Variants in FBXO10 observed in about 807,000 individuals in gnomAD.
FBXO10 encodes the protein F-box only protein 10.
FBXO10 carries 39 observed loss-of-function variants against 80.7 expected under a neutral mutation model. The ratio of observed to expected loss-of-function variants is 0.48; its 90% CI spans 0.37 to 0.63. FBXO10 has a LOEUF of 0.63. Among genes scored for constraint, FBXO10 ranks in the 30% least tolerant of loss-of-function variants. The pLI is 0.00. For missense variants in FBXO10, 1,025 were observed against 1,269.0 expected (o/e 0.81, Z 2.92); for synonymous variants, 449 against 489.6 (o/e 0.92, Z 1.09).
intron 8 of FBXO10, among the ~76,000 whole-genome samples, 178 bp from the exon 9 acceptor site, chr9:37,518,616 G>T (rs1331259145): frequency 6.6e-6 from 1 of 152,190 alleles, no homozygotes; most frequent in African/African-American, 2.4e-5. Context: ...ACAGCAGGAG[G>T]AAATCCAGGT....
Position 37,511,321 on chromosome 9 carries a change from A to G in FBXO10, c.*1226T>C, listed in dbSNP as rs1024999700. The G allele has an allele frequency of 6.6e-6, 1 of 152,494 alleles. No homozygotes were observed. Among genetic ancestry groups the G allele is most frequent in the African/African-American group, 2.4e-5 (1 of 41,456 alleles). The allele number at this position is 152,494 out of a possible 1,614,324, so 9.4% of individuals were successfully genotyped here. Reference sequence around the variant, plus strand: ...CCTCACCTGGCTTTGGGACTTGGACATATTCACAGTACGGTTCAGTAAAGT... The same window carrying G: ...CCTCACCTGGCTTTGGGACTTGGACGTATTCACAGTACGGTTCAGTAAAGT... On this transcript the variant is annotated 3_prime_UTR_variant, in exon 11 of 11. Coordinates refer to ENST00000432825, the MANE Select transcript of FBXO10 (RefSeq NM_012166.3).
intron 1 of FBXO10, among the ~76,000 whole-genome samples, chr9:37,567,488 T>TA (rs1822639545): frequency 6.6e-6 from 1 of 152,034 alleles, no homozygotes; most frequent in African/African-American, 2.4e-5. Context: ...CAAAACGTAG[T>TA]ATGCTTATCC....
At position 37,533,951 on chromosome 9, in the gene FBXO10, G is replaced by A. The variant is rs532357931; in HGVS notation, c.1420-1893C>T. On this transcript the variant is annotated intron_variant, in intron 3 of 10. Coordinates refer to ENST00000432825, the MANE Select transcript of FBXO10 (RefSeq NM_012166.3). ...GAGCTATTTACATAGCATTTGCATC[G>A]TATTGGGTATTATAAGTAATCTAGA... 9.2e-5 allele frequency among the ~76,000 whole-genome samples: 14 copies of A among 151,990 alleles called. No individual in the cohort carries two copies. In the South Asian group the frequency reaches 2.3e-3, roughly 25 times the overall value.
intron 5 of FBXO10, among the ~76,000 whole-genome samples, chr9:37,526,953 C>T (rs376798517): frequency 3.9e-5 from 6 of 152,060 alleles, no homozygotes; most frequent in Admixed American, 6.5e-5. Flanking sequence ...CGGGTTCAAG[C>T]GATTCTCCTG....
intron 8 of FBXO10, among the ~76,000 whole-genome samples, chr9:37,520,877 CAGTTCTTTGTCTCA>C (rs1821323569): frequency 6.6e-6 from 1 of 152,182 alleles, no homozygotes; most frequent in African/African-American, 2.4e-5. Context: ...GGGTGGGCTT[CAGTTCTTTGTCTCA>C]AGTTCATGGC....
intron 8 of FBXO10, 21 bp from the exon 9 acceptor site, chr9:37,518,459 A>G: frequency 4.5e-6 from 7 of 1,557,842 alleles, no homozygotes; most frequent in Non-Finnish European, 6.1e-6. Flanking sequence ...AAGGGTTGGA[A>G]AGCACAGGGG....
intron 1 of FBXO10, among the ~76,000 whole-genome samples, chr9:37,569,976 G>T (rs1669165126): frequency 6.6e-6 from 1 of 152,150 alleles, no homozygotes; most frequent in Admixed American, 6.5e-5. Context: ...ATTGGTTAAA[G>T]AAAAAGAATT....
At chr9:37,529,930 TC>T (rs1821576294) in intron 4 of FBXO10, among the ~76,000 whole-genome samples, 1 of 151,104 alleles carries the variant, frequency 6.6e-6, no homozygotes, top group Non-Finnish European at 1.5e-5. Flanking sequence ...CATCTTGGCC[TC>T]CCAAAGTGCT....
chr9:37,524,636 C>A (rs542617618), intron 6 of FBXO10, among the ~76,000 whole-genome samples: 103 of 152,230 alleles, frequency 6.8e-4, no homozygotes, highest in Non-Finnish European at 1.3e-3. Flanking sequence ...GAAATTAAGT[C>A]AAAGGCCCTA....
At chr9:37,517,176 A>G (rs562379054) in intron 9 of FBXO10, among the ~76,000 whole-genome samples, 10 of 152,280 alleles carry the variant, frequency 6.6e-5, no homozygotes, top group Non-Finnish European at 1.0e-4. Context: ...AAGAAAAGGC[A>G]TAAGAATGAT....
intron 1 of FBXO10, among the ~76,000 whole-genome samples, chr9:37,547,974 C>T (rs759747996): frequency 2.0e-5 from 3 of 151,296 alleles, no homozygotes; most frequent in Non-Finnish European, 4.4e-5. Context: ...CACAATACAA[C>T]GGTGCTTGCC....
intron 1 of FBXO10, among the ~76,000 whole-genome samples, chr9:37,553,293 C>T (rs922500236): frequency 6.6e-6 from 1 of 152,120 alleles, no homozygotes; most frequent in African/African-American, 2.4e-5. Flanking sequence ...CCTGCCTCAG[C>T]CTCCCAAAGT....
intron 1 of FBXO10, chr9:37,575,468 CTG>C (rs1372166922): frequency 1.3e-5 from 2 of 152,246 alleles, no homozygotes; most frequent in South Asian, 4.1e-4. Flanking sequence ...GTGCCAGACA[CTG>C]TGTGCTAAAC....
chr9:37,570,374 C>T (rs563130090), intron 1 of FBXO10, among the ~76,000 whole-genome samples: 1 of 151,630 alleles, frequency 6.6e-6, no homozygotes, highest in Non-Finnish European at 1.5e-5. Context: ...CTTGTGAACT[C>T]CTGCTGAAAC....
Position 37,576,262 on chromosome 9 carries a change from T to TGGAAGCCACCCGCCGCCCC in FBXO10, c.-77_-59dup, listed in dbSNP as rs1212433355. ...GTCCGGGCCGCGGCCGCCGGTGCCCTGGAAGCCACCCGCCGCCCCCGCTGG... is the reference window on the plus strand; with the variant it reads ...GTCCGGGCCGCGGCCGCCGGTGCCCTGGAAGCCACCCGCCGCCCCGGAAGCCACCCGCCGCCCCCGCTGG... On this transcript the variant is annotated 5_prime_UTR_variant, in exon 1 of 11. The change creates a premature stop within an existing upstream ORF in the 5' untranslated region. Transcript: ENST00000432825. The TGGAAGCCACCCGCCGCCCC allele has an allele frequency of 5.9e-5, 9 of 152,168 alleles. No individual in the cohort carries two copies. The highest frequency in any genetic ancestry group is 1.9e-4 in the African/African-American group (8 of 41,388). 9.4% of individuals were successfully genotyped at this position (152,168 alleles called of 1,614,324 possible).
intron 1 of FBXO10, among the ~76,000 whole-genome samples, chr9:37,552,834 G>C (rs1005537680): frequency 3.9e-5 from 6 of 152,184 alleles, no homozygotes; most frequent in Non-Finnish European, 2.9e-5. Flanking sequence ...CAAGAGGGAT[G>C]AAAATATGTG....
intron 3 of FBXO10, 73 bp from the exon 4 acceptor site, chr9:37,532,131 G>A: frequency 6.7e-7 from 1 of 1,491,234 alleles, no homozygotes. Context: ...AGGAACACCT[G>A]AGTCTTTTCC....
intron 1 of FBXO10, among the ~76,000 whole-genome samples, chr9:37,549,939 G>A (rs1021516339): frequency 6.6e-6 from 1 of 152,052 alleles, no homozygotes; most frequent in African/African-American, 2.4e-5. Flanking sequence ...TGGTGGTAAC[G>A]AAATGTTAAT....
In FBXO10 at chr9:37,537,704, C is replaced by G; in HGVS notation, c.825G>C (p.Gly275=). ...DKNWAYKYLL[G]LIKSSPTFLP... is the part of the protein sequence containing the mutation. ...GAAAAGTGGGTGAGGACTTGATAAG[C>G]CCTAGTAGATACTTGTAGGCCCAGT... is the stretch of plus-strand genomic sequence containing the variant. The change falls in exon 3 of 11, where the codon GGG becomes GGC. Residue 275 remains glycine (G), a synonymous_variant. Transcript: ENST00000432825. The G allele has an allele frequency of 6.2e-7, 1 of 1,613,940 alleles. No homozygotes were observed. Among genetic ancestry groups the G allele is most frequent in the Non-Finnish European group, 8.5e-7 (1 of 1,179,850 alleles).
Sources: gnomAD v4.1 joint callset for allele counts (sites outside exome capture counted in the v4.1 genomes callset) on GRCh38, gnomAD v4.1.1 for gene constraint, MANE v1.5 for transcripts, NCBI Gene and HGNC (gene_info 2026-07-23, HGNC 2026-07-21) for gene names.